NRDC: variants seen among roughly 807,000 people sequenced by gnomAD.
The protein encoded by NRDC is nardilysin.
NRDC carries 54 observed loss-of-function variants against 147.1 expected under a neutral mutation model. That is an observed-to-expected ratio of 0.37 (90% CI 0.29 to 0.46). The LOEUF (loss-of-function observed/expected upper bound fraction) is 0.46, where lower values mean the gene tolerates loss of function less well. Ranked by LOEUF, NRDC falls within the 20% of genes least tolerant of loss-of-function variation. The pLI, the probability that NRDC is intolerant of heterozygous loss-of-function variation, is 1.00. For synonymous variants in NRDC, 440 were observed against 482.1 expected, an observed-to-expected ratio of 0.91 and a Z score of 1.14; for missense variants, 1,082 against 1,370.6, an observed-to-expected ratio of 0.79 and a Z score of 3.33.
chr1:51,807,033 T>C (rs141926217), intron 17 of NRDC, 120 bp from the exon 18 acceptor site: 15,462 of 1,180,510 alleles, frequency 0.013, 371 homozygotes, highest in South Asian at 0.088. Context: ...CAAATTCAAA[T>C]GTTGGAATAC....
intron 1 of NRDC, among the ~76,000 whole-genome samples, chr1:51,851,807 A>G (rs1000349585): frequency 2.0e-5 from 3 of 152,170 alleles, no homozygotes; most frequent in Non-Finnish European, 2.9e-5. Flanking sequence ...CACCTAAAAC[A>G]AGGTTAAAAT....
At chr1:51,810,995 C>T (rs186006613) in intron 15 of NRDC, among the ~76,000 whole-genome samples, 2 of 152,292 alleles carry the variant, frequency 1.3e-5, no homozygotes, top group East Asian at 3.9e-4. Flanking sequence ...GGGCCTCCTT[C>T]AGTAATCCTC....
rs1334079932 is a variant in NRDC at position 51,840,382 on chromosome 1, T to C, written c.474A>G (p.Glu158=). The C allele has an allele frequency of 1.3e-6, 2 of 1,524,218 alleles. No homozygotes were observed. The highest frequency in any genetic ancestry group is 1.8e-6 in the Non-Finnish European group (2 of 1,116,084). The allele number at this position is 1,524,218 out of a possible 1,614,324, so 94.4% of individuals were successfully genotyped here. The change falls in exon 2 of 31, where the codon GAA becomes GAG. Residue 158 remains glutamate (E), a synonymous_variant. Coordinates refer to ENST00000352171, the MANE Select transcript of NRDC (RefSeq NM_001101662.2). The stretch of plus-strand genomic sequence containing the variant: ...CATCTTCTATTTCAGCTCCAGAATC[T>C]TCATCATCATCTTCTTCTTCTTCCT... ...EVEEEEEDDD[E]DSGAEIEDDD... is the part of the protein sequence containing the mutation.
In NRDC at chr1:51,850,507, T is replaced by C. The variant is rs527986869; in HGVS notation, c.342-9993A>G. The stretch of plus-strand genomic sequence containing the variant: ...CTAAGCATAGAAATACAAGAAAATA[T>C]TAAGTTCTTTCAAGGGAAATTTCTG... On this transcript the variant is annotated intron_variant, in intron 1 of 30. Transcript: ENST00000352171. Among the ~76,000 whole-genome samples the C allele has an allele frequency of 6.6e-5, 10 of 152,306 alleles. No homozygotes were observed. In the South Asian group the frequency reaches 8.3e-4, roughly 13 times the overall value.
At chr1:51,828,112 A>AT (rs1680525621) in intron 4 of NRDC, among the ~76,000 whole-genome samples, 1 of 152,244 alleles carries the variant, frequency 6.6e-6, no homozygotes, top group Admixed American at 6.5e-5. Context: ...CATATAAACT[A>AT]CACCTGAGTG....
chr1:51,818,058 A>G lies in NRDC; in HGVS notation c.1361+8T>C. The G allele has an allele frequency of 6.2e-7, 1 of 1,602,728 alleles. No homozygotes were observed. The highest frequency in any genetic ancestry group is 8.5e-7 in the Non-Finnish European group (1 of 1,174,910). On this transcript the variant is annotated splice_region_variant and intron_variant, in intron 10 of 30. Transcript: ENST00000352171. Reference sequence around the variant, plus strand: ...TCTAATGAAGTAAATTTTCCCTTAAACTCTTACCTGTAATGTTGCTGTTGA... The same window carrying G: ...TCTAATGAAGTAAATTTTCCCTTAAGCTCTTACCTGTAATGTTGCTGTTGA...
At chr1:51,846,477 C>T (rs1041198852) in intron 1 of NRDC, among the ~76,000 whole-genome samples, 1 of 152,210 alleles carries the variant, frequency 6.6e-6, no homozygotes, top group African/African-American at 2.4e-5. Context: ...GGTTCTTGGT[C>T]TCACTGACTT....
At chr1:51,823,927 T>C (rs1680322045) in intron 6 of NRDC, 141 bp from the exon 7 acceptor site, 1 of 518,066 alleles carries the variant, frequency 1.9e-6, no homozygotes, top group Non-Finnish European at 3.4e-6. Context: ...CAGTGTGCAA[T>C]AATGTATTAA....
At chr1:51,825,174 G>A (rs1680389799) in intron 6 of NRDC, 113 bp downstream of exon 6, 1 of 715,564 alleles carries the variant, frequency 1.4e-6, no homozygotes, top group African/African-American at 1.8e-5. Flanking sequence ...TATCCTAAAA[G>A]GTAAAAGGTA....
chr1:51,812,364 C>CA (rs373675292), intron 14 of NRDC, among the ~76,000 whole-genome samples: 1 of 152,008 alleles, frequency 6.6e-6, no homozygotes, highest in East Asian at 1.9e-4. Flanking sequence ...CCTGTCTTTA[C>CA]AAAAAATGCA....
intron 1 of NRDC, among the ~76,000 whole-genome samples, chr1:51,853,236 T>C (rs1419524863): frequency 6.7e-6 from 1 of 150,104 alleles, no homozygotes. Flanking sequence ...TATATATATA[T>C]ATATTATATA....
Position 51,803,966 on chromosome 1 carries a change from TAAG to T in NRDC, c.2163-5_2163-3del, listed in dbSNP as rs1200548392. The T allele has an allele frequency of 6.4e-7, 1 of 1,573,616 alleles. No individual in the cohort carries two copies. The highest frequency in any genetic ancestry group is 1.7e-4 in the Middle Eastern group (1 of 5,898). ...ACAAAGATATCAAAGAGGACCACACTAAGAAGTACAAAATGCAAATGGCATCTT... is the reference window on the plus strand; with the variant it reads ...ACAAAGATATCAAAGAGGACCACACTAAGTACAAAATGCAAATGGCATCTT... On this transcript the variant is annotated splice_region_variant and splice_polypyrimidine_tract_variant and intron_variant, in intron 19 of 30. Transcript: ENST00000352171.
chr1:51,850,624 G>A (rs1270260558), intron 1 of NRDC, among the ~76,000 whole-genome samples: 2 of 152,170 alleles, frequency 1.3e-5, no homozygotes, highest in Admixed American at 6.5e-5. Flanking sequence ...TCATGAGAAC[G>A]TTTGCTTCCC....
chr1:51,815,072 C>T (rs1679896383), intron 11 of NRDC, among the ~76,000 whole-genome samples: 2 of 151,902 alleles, frequency 1.3e-5, no homozygotes, highest in South Asian at 4.2e-4. Flanking sequence ...AGATATGGCA[C>T]CATAATAAAA....
At chr1:51,823,443 A>G (rs538066094) in intron 7 of NRDC, among the ~76,000 whole-genome samples, 5 of 152,270 alleles carry the variant, frequency 3.3e-5, no homozygotes, top group African/African-American at 1.2e-4. Flanking sequence ...GATAAGACCT[A>G]TTTCTGTAAG....
At chr1:51,796,202 A>G (rs1372634502) in intron 22 of NRDC, among the ~76,000 whole-genome samples, 1 of 150,638 alleles carries the variant, frequency 6.6e-6, no homozygotes, top group Non-Finnish European at 1.5e-5. Flanking sequence ...TTTTTCATTT[A>G]TTTGGCCTAA....
At chr1:51,828,421 T>C (rs1188550280) in intron 4 of NRDC, among the ~76,000 whole-genome samples, 1 of 152,194 alleles carries the variant, frequency 6.6e-6, no homozygotes, top group Non-Finnish European at 1.5e-5. Context: ...TATATAAAGC[T>C]TACTTTTTTA....
chr1:51,855,542 A>C (rs758534494), intron 1 of NRDC, among the ~76,000 whole-genome samples: 46 of 152,194 alleles, frequency 3.0e-4, no homozygotes, highest in Non-Finnish European at 5.3e-4. Flanking sequence ...GTTTTTATAA[A>C]ACAATATCAT....
At chr1:51,833,440 T>TAA (rs34771592) in intron 4 of NRDC, among the ~76,000 whole-genome samples, 103 of 121,438 alleles carry the variant, frequency 8.5e-4, no homozygotes, top group Middle Eastern at 4.3e-3. Context: ...CCATATCTCT[T>TAA]AAAAAAAAAA....
Sources: allele counts gnomAD v4.1 joint callset (sites outside exome capture counted in the v4.1 genomes callset), GRCh38; gene constraint gnomAD v4.1.1; transcripts MANE v1.5; gene names NCBI Gene and HGNC (gene_info 2026-07-23, HGNC 2026-07-21).